The following PASD1 variants were observed in gnomAD, a reference collection of about 807,000 sequenced individuals.
PASD1 encodes circadian clock protein PASD1.
PASD1 carries 13 observed loss-of-function variants against 58.8 expected under a neutral mutation model. The observed-to-expected ratio is 0.22, with a 90% CI of 0.14 to 0.35. PASD1 has a LOEUF of 0.35. PASD1 is among the 10% of genes least tolerant of loss of function. The probability of loss-of-function intolerance (pLI) is 1.00; values close to 1 mark genes in which losing one functional copy is unlikely to be tolerated. For synonymous variants in PASD1, 236 were observed against 216.7 expected (o/e 1.09, Z -0.78); for missense variants, 734 against 568.3 (o/e 1.29, Z -2.96).
At chrX:151,573,099 G>T (rs1264886597) in intron 1 of PASD1, among the ~76,000 whole-genome samples, 1 of 77,946 alleles carries the variant, frequency 1.3e-5, no homozygotes, top group African/African-American at 4.8e-5. Flanking sequence ...TGGGGTGGGG[G>T]TGGGGGCTGG....
chrX:151,672,203 A>T lies in PASD1; in HGVS notation c.1458A>T (p.Glu486Asp), dbSNP rs1431571978. The part of the protein sequence containing the change: ...AFNQQQLVQQ[E>D]QHLKEQQRQL... ...TGCAGCAGCAACTGGTGCAGCAAGA[A>T]CAACACCTGAAGGAGCAGCAGCGGC... Residue 486 changes from glutamate to aspartate, a missense_variant, in exon 14 of 16, where the codon GAA becomes GAT. Coordinates refer to ENST00000370357, the MANE Select transcript of PASD1 (RefSeq NM_173493.3). 1 of 1,155,940 alleles carries T rather than the reference A, an allele frequency of 8.7e-7. No homozygotes were observed. Among genetic ancestry groups the T allele is most frequent in the African/African-American group, 1.8e-5 (1 of 54,974 alleles).
chrX:151,676,040 A>T lies in PASD1; in HGVS notation c.2219A>T (p.Gln740Leu). 1 of 1,210,990 alleles carries T rather than the reference A, an allele frequency of 8.3e-7. No individual in the cohort carries two copies. The highest frequency in any genetic ancestry group is 1.1e-6 in the Non-Finnish European group (1 of 894,750). ...GGAGTCGAGGGACCTCCTGATCCAC[A>T]GGCTTTCCAAGGCCCTGCTGCATAC... Reference protein sequence around the residue: ...EVGVEGPPDPQAFQGPAAYQP... With the variant: ...EVGVEGPPDPLAFQGPAAYQP... The change falls in exon 16 of 16, where the codon CAG becomes CTG. Residue 740 changes from glutamine to leucine, a missense_variant. Gln to Leu is a moderately radical substitution (Grantham distance 113). Coordinates refer to ENST00000370357, the MANE Select transcript of PASD1 (RefSeq NM_173493.3).
chrX:151,665,674 A>G (rs141502796), intron 11 of PASD1, among the ~76,000 whole-genome samples: 1,584 of 111,764 alleles, frequency 0.014, 67 homozygotes, highest in Admixed American at 0.14. Flanking sequence ...AGCCCTTCTC[A>G]GACGGATTAG....
rs1247166029 is a variant in PASD1, at chrX:151,610,552, T to C, written c.118-1112T>C. ...ATGATTCTTTATTTTATTATGTCTG[T>C]TGCCTCTTATTCGTAATGCTTCATC... On this transcript the variant is annotated intron_variant, in intron 3 of 15. Coordinates refer to ENST00000370357, the MANE Select transcript of PASD1 (RefSeq NM_173493.3). Among the ~76,000 whole-genome samples the C allele has an allele frequency of 5.4e-5, 6 of 111,972 alleles. No individual in the cohort carries two copies. In the Admixed American group the frequency reaches 5.7e-4, roughly 11 times the overall value.
Position 151,659,761 on chromosome X carries a change from G to T in PASD1, c.766G>T (p.Val256Phe). Residue 256 changes from valine (V) to phenylalanine (F), a missense_variant, in exon 10 of 16, where the codon GTT becomes TTT. Coordinates refer to ENST00000370357, the MANE Select transcript of PASD1 (RefSeq NM_173493.3). Reference sequence around the variant, plus strand: ...TGAGCAGTATGGACCACAAGAAAACGTTCACATGTTTGTAGATTCTGATTC... The same window carrying T: ...TGAGCAGTATGGACCACAAGAAAACTTTCACATGTTTGTAGATTCTGATTC... ...EVEQYGPQEN[V>F]HMFVDSDSTY... 1 of 1,201,558 alleles carries T rather than the reference G, an allele frequency of 8.3e-7. No individual in the cohort carries two copies. The highest frequency in any genetic ancestry group is 1.1e-6 in the Non-Finnish European group (1 of 886,509).
At chrX:151,634,000 T>C (rs1243631118) in intron 8 of PASD1, among the ~76,000 whole-genome samples, 3 of 112,423 alleles carry the variant, frequency 2.7e-5, no homozygotes, top group Admixed American at 9.4e-5. Context: ...TCTGAAGATG[T>C]GGAATGGGAT....
At chrX:151,623,855 T>C (rs1292861308) in intron 7 of PASD1, among the ~76,000 whole-genome samples, 1 of 111,421 alleles carries the variant, frequency 9.0e-6, no homozygotes, top group Admixed American at 9.6e-5. Flanking sequence ...AGTAACTAGC[T>C]TGGAGAGTTC....
Position 151,620,943 on chromosome X carries a change from G to A in PASD1, c.221G>A (p.Gly74Asp), listed in dbSNP as rs1306275459. ...CTCTCCTGCCAGGCTGAGATTGTGG[G>A]CAAAAAATTATTAAGCCTTCTGCCT... ...LLGHLPAEIV[G>D]KKLLSLLPDE... The change falls in exon 5 of 16, where the codon GGC becomes GAC. Residue 74 changes from glycine (G) to aspartate (D), a missense_variant. Coordinates refer to ENST00000370357, the MANE Select transcript of PASD1 (RefSeq NM_173493.3). The A allele has an allele frequency of 8.3e-7, 1 of 1,204,964 alleles. No homozygotes were observed.
intron 13 of PASD1, 103 bp from the exon 14 acceptor site, chrX:151,672,080 T>C: frequency 9.3e-7 from 1 of 1,076,641 alleles, no homozygotes; most frequent in Non-Finnish European, 1.2e-6. Context: ...GGCTCAACTG[T>C]TGTCACCTTT....
chrX:151,599,327 G>A (rs1359863134), intron 1 of PASD1, among the ~76,000 whole-genome samples: 15 of 113,085 alleles, frequency 1.3e-4, no homozygotes, highest in African/African-American at 4.2e-4. Context: ...TTCTCAATGA[G>A]CTGTTGGGTA....
chrX:151,621,411 A>G, intron 5 of PASD1, 71 bp from the exon 6 acceptor site: 1 of 803,707 alleles, frequency 1.2e-6, no homozygotes, highest in Non-Finnish European at 1.8e-6. Context: ...CATTGGTCAT[A>G]TGAAATAATC....
chrX:151,565,151 C>T (rs1364159842), intron 1 of PASD1, among the ~76,000 whole-genome samples: 2 of 111,936 alleles, frequency 1.8e-5, no homozygotes, highest in Non-Finnish European at 3.8e-5. Flanking sequence ...TTAGTTCTTT[C>T]AGTAAGTTAA....
intron 1 of PASD1, among the ~76,000 whole-genome samples, chrX:151,570,869 A>C (rs1230983822): frequency 8.9e-6 from 1 of 112,317 alleles, no homozygotes; most frequent in African/African-American, 3.2e-5. Flanking sequence ...CAGCTGAATA[A>C]AGCGGCCCAC....
rs200147315 is a variant in PASD1, at chrX:151,671,673, G to T, written c.1331G>T (p.Arg444Leu). 1 of 1,210,067 alleles carries T rather than the reference G, an allele frequency of 8.3e-7. No individual in the cohort carries two copies. The highest frequency in any genetic ancestry group is 1.1e-6 in the Non-Finnish European group (1 of 893,842). Residue 444 changes from arginine (R) to leucine (L), a missense_variant, in exon 13 of 16, where the codon CGG becomes CTG. By Grantham distance (102) the Arg-to-Leu change is moderately radical. Coordinates refer to ENST00000370357, the MANE Select transcript of PASD1 (RefSeq NM_173493.3). ...QQKQHAGQVK[R>L]PLPHPKDVKC... ...AAACAACACGCTGGGCAAGTGAAGC[G>T]GCCTCTCCCACATCCCAAGGACGTC...
At chrX:151,641,716 G>T (rs1235652424) in intron 8 of PASD1, among the ~76,000 whole-genome samples, 1 of 110,836 alleles carries the variant, frequency 9.0e-6, no homozygotes. Context: ...ATAGGGAATT[G>T]GAGAGGAGAA....
intron 1 of PASD1, among the ~76,000 whole-genome samples, chrX:151,575,707 G>A (rs1414209807): frequency 9.1e-6 from 1 of 110,086 alleles, no homozygotes; most frequent in East Asian, 2.9e-4. Context: ...AGGCTGGAGT[G>A]CAGTGGCATA....
rs1423327113 is a variant in PASD1, at chrX:151,604,769, G to A, written c.117+35G>A. The A allele has an allele frequency of 9.8e-6, 10 of 1,021,449 alleles. No homozygotes were observed. In the Middle Eastern group the frequency reaches 7.7e-4, roughly 79 times the overall value. The allele number at this position is 1,021,449 out of a possible 1,213,427, so 84.2% of individuals were successfully genotyped here. A position where few individuals can be genotyped will look rare whatever the true frequency, so the allele number is the denominator to read the frequency against. On this transcript the variant is annotated intron_variant, in intron 3 of 15. Transcript: ENST00000370357. ...CTTTTGTTCTTTGATTACTTCATAT[G>A]TTGAATACATGTAATAGAAGACAAA...
In PASD1 at chrX:151,664,162, A is replaced by G; in HGVS notation, c.885A>G (p.Pro295=). 9.9e-6 allele frequency: 12 copies of G among 1,209,913 alleles called. No individual in the cohort carries two copies. Among genetic ancestry groups the G allele is most frequent in the African/African-American group, 1.8e-5 (1 of 57,093 alleles). ...TTCGAGGTGAGCCTGAGGTGAATCC[A>G]TTGTACAGGGCAGACCCAGTGGACC... ...QDFRGEPEVN[P]LYRADPVDLE... The change falls in exon 11 of 16, where the codon CCA becomes CCG. Residue 295 remains proline (P), a synonymous_variant. Coordinates refer to ENST00000370357, the MANE Select transcript of PASD1 (RefSeq NM_173493.3).
At chrX:151,580,707 T>C (rs1164839619) in intron 1 of PASD1, among the ~76,000 whole-genome samples, 1 of 110,408 alleles carries the variant, frequency 9.1e-6, no homozygotes, top group East Asian at 2.8e-4. Context: ...CATAATGATA[T>C]ATGTCTCTCT....
Sources: gnomAD v4.1 joint callset for allele counts (sites outside exome capture counted in the v4.1 genomes callset) on GRCh38, gnomAD v4.1.1 for gene constraint, MANE v1.5 for transcripts, NCBI Gene and HGNC (gene_info 2026-07-23, HGNC 2026-07-21) for gene names.